Variants in XIRP1 observed in about 807,000 individuals in gnomAD.
The protein encoded by XIRP1 is xin actin-binding repeat-containing protein 1.
For missense variants in XIRP1, 2,378 were observed against 2,345.4 expected (o/e 1.01, Z -0.29); for synonymous variants, 984 against 947.0 (o/e 1.04, Z -0.72).
Position 39,185,476 on chromosome 3 carries a change from GCTT to G in XIRP1, c.3967_3969del (p.Lys1323del), listed in dbSNP as rs2039950013. ...TGTGCAGGTTTAGGGGGCAGCTGCG[GCTT>G]CTTCTTTGGGGGCATGGTGGGGTCC... On this transcript the variant is annotated inframe_deletion, in exon 2 of 2. Coordinates refer to ENST00000340369, the MANE Select transcript of XIRP1 (RefSeq NM_194293.4). 4 of 1,572,356 alleles carry G rather than the reference GCTT, an allele frequency of 2.5e-6. No homozygotes were observed. Among genetic ancestry groups the G allele is most frequent in the Non-Finnish European group, 3.5e-6 (4 of 1,159,342 alleles).
rs761945475 is a variant in XIRP1, at chr3:39,186,098, G to A, written c.3348C>T (p.Ala1116=). 1.2e-6 allele frequency: 2 copies of A among 1,613,898 alleles called. No individual in the cohort carries two copies. Among genetic ancestry groups the A allele is most frequent in the South Asian group, 2.2e-5 (2 of 91,074 alleles). Residue 1116 remains alanine (A), a synonymous_variant, in exon 2 of 2, where the codon GCC becomes GCT. Coordinates refer to ENST00000340369, the MANE Select transcript of XIRP1 (RefSeq NM_194293.4). ...GGGSDPRIPA[A]PRKVSREEQA... is the part of the protein sequence containing the mutation. ...GCTCTTCCCTACTGACCTTTCTGGG[G>A]GCTGCTGGGATCCGGGGATCACTTC... is the stretch of plus-strand genomic sequence containing the variant.
At position 39,183,915 on chromosome 3, in the gene XIRP1, C is replaced by A; in HGVS notation, c.5531G>T (p.Ter1844LeuextTer20). Reference protein sequence around the residue: ...SCSYSQPAAQ* With the variant: ...SCSYSQPAAQL ...AGGTGTGGTGGGAGGCGGTGGGCCT[C>A]ACTGGGCAGCTGGCTGGGAGTAGCT... Residue 1844 changes from the stop codon to leucine (L), a stop_lost, in exon 2 of 2, where the codon TGA becomes TTA. Transcript: ENST00000340369. 1 of 1,608,830 alleles carries A rather than the reference C, an allele frequency of 6.2e-7. No homozygotes were observed.
Position 39,187,654 on chromosome 3 carries a change from A to G in XIRP1, c.1792T>C (p.Phe598Leu), listed in dbSNP as rs147550123. 16 of 1,613,992 alleles carry G rather than the reference A, an allele frequency of 9.9e-6. No individual in the cohort carries two copies. Among genetic ancestry groups the G allele is most frequent in the East Asian group, 2.2e-5 (1 of 44,878 alleles). Residue 598 changes from phenylalanine to leucine, a missense_variant, in exon 2 of 2, where the codon TTC becomes CTC. By Grantham distance (22) the Phe-to-Leu change is conservative (BLOSUM62 0). Coordinates refer to ENST00000340369, the MANE Select transcript of XIRP1 (RefSeq NM_194293.4). ...KGDVQTIRWL[F>L]ETCPMSELAE... Reference sequence around the variant, plus strand: ...AACTCACTCATTGGGCAAGTCTCGAACAACCACCGGATGGTCTGCACATCG... The same window carrying G: ...AACTCACTCATTGGGCAAGTCTCGAGCAACCACCGGATGGTCTGCACATCG...
Position 39,187,805 on chromosome 3 carries a change from A to G in XIRP1, c.1641T>C (p.Val547=), listed in dbSNP as rs760368047. ...TCTCAAAAAGCCACCGAGCTGTGCC[A>G]ACGTCCCCAGCCACCACTTCCTGCC... ...ITRQEVVAGD[V]GTARWLFETQ... Residue 547 remains valine, a synonymous_variant, in exon 2 of 2, where the codon GTT becomes GTC. Transcript: ENST00000340369. 4 of 1,614,002 alleles carry G rather than the reference A, an allele frequency of 2.5e-6. No homozygotes were observed. The highest frequency in any genetic ancestry group is 3.4e-6 in the Non-Finnish European group (4 of 1,180,014).
Position 39,188,189 on chromosome 3 carries a change from G to A in XIRP1, c.1257C>T (p.Ser419=), listed in dbSNP as rs1356825404. 3.1e-6 allele frequency: 5 copies of A among 1,614,082 alleles called. No homozygotes were observed. In the African/African-American group the frequency reaches 5.3e-5, roughly 17 times the overall value. ...DGEGHLSSDS[S]SALPFSQSAP... is the part of the protein sequence containing the mutation. ...CACTCTGAGAGAAGGGCAGTGCTGAGGAGCTGTCACTGGATAGATGCCCCT... is the reference window on the plus strand; with the variant it reads ...CACTCTGAGAGAAGGGCAGTGCTGAAGAGCTGTCACTGGATAGATGCCCCT... Residue 419 remains serine (S), a synonymous_variant, in exon 2 of 2, where the codon TCC becomes TCT. Transcript: ENST00000340369.
At position 39,187,298 on chromosome 3, in the gene XIRP1, G is replaced by A. The variant is rs752561906; in HGVS notation, c.2148C>T (p.Ile716=). 41 of 1,588,836 alleles carry A rather than the reference G, an allele frequency of 2.6e-5. No individual in the cohort carries two copies. Among genetic ancestry groups the A allele is most frequent in the Admixed American group, 3.5e-5 (2 of 56,472 alleles). The change falls in exon 2 of 2, where the codon ATC becomes ATT. Residue 716 remains isoleucine, a synonymous_variant. Transcript: ENST00000340369. The part of the protein sequence containing the change: ...GKKEEQEPRV[I]AGSIPAGSVH... ...CAGAACCCGCGGGGATGGACCCAGC[G>A]ATTACCCGGGGCTCCTGTTCTTCCT...
In XIRP1 at chr3:39,188,345, G is replaced by A. The variant is rs756578263; in HGVS notation, c.1101C>T (p.Ala367=). 4.3e-6 allele frequency: 7 copies of A among 1,614,130 alleles called. No homozygotes were observed. The East Asian group carries it at 1.6e-4, about 36-fold the overall frequency. Residue 367 remains alanine (A), a synonymous_variant, in exon 2 of 2, where the codon GCC becomes GCT. Transcript: ENST00000340369. The part of the protein sequence containing the change: ...LKGDEEAGAE[A]PPKEEVVPGD... ...CAGGGACCACTTCCTCCTTGGGTGG[G>A]GCCTCTGCTCCAGCCTCTTCGTCCC...
rs767230935 is a variant in XIRP1, at chr3:39,187,789, G to A, written c.1657C>T (p.Leu553Phe). ...VAGDVGTARW[L>F]FETQPLEMIH... The stretch of plus-strand genomic sequence containing the variant: ...ATCTCCAGGGGCTGGGTCTCAAAAA[G>A]CCACCGAGCTGTGCCAACGTCCCCA... The change falls in exon 2 of 2, where the codon CTT becomes TTT. Residue 553 changes from leucine (L) to phenylalanine (F), a missense_variant. Physicochemically the swap from Leu to Phe is conservative, Grantham distance 22. Transcript: ENST00000340369. The A allele has an allele frequency of 2.2e-5, 35 of 1,613,866 alleles. No homozygotes were observed. Among genetic ancestry groups the A allele is most frequent in the Admixed American group, 3.3e-5 (2 of 60,000 alleles).
rs756906611 is a variant in XIRP1, at chr3:39,189,165, A to G, written c.281T>C (p.Met94Thr). The G allele has an allele frequency of 1.2e-6, 2 of 1,614,168 alleles. No homozygotes were observed. The highest frequency in any genetic ancestry group is 2.2e-5 in the East Asian group (1 of 44,880). The change falls in exon 2 of 2, where the codon ATG becomes ACG. Residue 94 changes from methionine to threonine, a missense_variant. Met to Thr is a moderately conservative substitution (Grantham distance 81, BLOSUM62 -1). Coordinates refer to ENST00000340369, the MANE Select transcript of XIRP1 (RefSeq NM_194293.4). Reference sequence around the variant, plus strand: ...TCTCCAGTTCTCAAAGATCCAGCGCATGCACTGAACGTCACCCTCGGTGGG... The same window carrying G: ...TCTCCAGTTCTCAAAGATCCAGCGCGTGCACTGAACGTCACCCTCGGTGGG... ...EEPTEGDVQCMRWIFENWRLD... is the reference protein window; with the variant it reads ...EEPTEGDVQCTRWIFENWRLD...
chr3:39,189,075 T>C lies in XIRP1; in HGVS notation c.371A>G (p.Gln124Arg). The C allele has an allele frequency of 6.2e-7, 1 of 1,614,178 alleles. No homozygotes were observed. The highest frequency in any genetic ancestry group is 1.1e-5 in the South Asian group (1 of 91,082). The change falls in exon 2 of 2, where the codon CAG becomes CGG. Residue 124 changes from glutamine (Q) to arginine (R), a missense_variant. By Grantham distance (43) the Gln-to-Arg change is conservative. Coordinates refer to ENST00000340369, the MANE Select transcript of XIRP1 (RefSeq NM_194293.4). Reference sequence around the variant, plus strand: ...TTCCTCAAACTTGCGGGAGGTGGCCTGGACGTCACCACACAGCACGGGCTC... The same window carrying C: ...TTCCTCAAACTTGCGGGAGGTGGCCCGGACGTCACCACACAGCACGGGCTC... ...AKEPVLCGDV[Q>R]ATSRKFEEGS...
Position 39,189,264 on chromosome 3 carries a change from A to G in XIRP1, c.182T>C (p.Ile61Thr), listed in dbSNP as rs1353336578. Residue 61 changes from isoleucine (I) to threonine (T), a missense_variant, in exon 2 of 2, where the codon ATC becomes ACC. Transcript: ENST00000340369. ...CAGATTCTTGCGGAGCTCAGGGTGG[A>G]TGTGCCTGTAGAGGCGGCGGAGCTC... Reference protein sequence around the residue: ...ASELRRLYRHIHPELRKNLAE... With the variant: ...ASELRRLYRHTHPELRKNLAE... 1 of 1,607,986 alleles carries G rather than the reference A, an allele frequency of 6.2e-7. No homozygotes were observed. The highest frequency in any genetic ancestry group is 1.1e-5 in the South Asian group (1 of 90,920).
rs377754763 is a variant in XIRP1, at chr3:39,187,410, G to A, written c.2036C>T (p.Pro679Leu). ...QASGRPCGRRPVRYCSRVEIP... is the reference protein window; with the variant it reads ...QASGRPCGRRLVRYCSRVEIP... ...CTCCACGCGGCTGCAGTATCTCACA[G>A]GCCGTCTTCCACAGGGACGGCCTGA... Residue 679 changes from proline (P) to leucine (L), a missense_variant, in exon 2 of 2, where the codon CCT (proline) becomes CTT (leucine). Transcript: ENST00000340369. 1.9e-6 allele frequency: 3 copies of A among 1,614,022 alleles called. No homozygotes were observed. The highest frequency in any genetic ancestry group is 2.7e-5 in the African/African-American group (2 of 74,888).
rs768972782 is a variant in XIRP1, at chr3:39,184,465, G to A, written c.4981C>T (p.Pro1661Ser). The change falls in exon 2 of 2, where the codon CCT (proline) becomes TCT (serine). Residue 1661 changes from proline to serine, a missense_variant. Pro to Ser is a moderately conservative substitution (Grantham distance 74). Coordinates refer to ENST00000340369, the MANE Select transcript of XIRP1 (RefSeq NM_194293.4). ...GAGGAGGGAGAATCTCGGCTGGAAG[G>A]TAAAACCCGAGGAGGGCACAAATAC... ...REYLCPPRVL[P>S]SSRDSPSSPT... 1 of 1,614,162 alleles carries A rather than the reference G, an allele frequency of 6.2e-7. No homozygotes were observed. The highest frequency in any genetic ancestry group is 8.5e-7 in the Non-Finnish European group (1 of 1,180,036).
chr3:39,190,274 T>C (rs199977640), intron 1 of XIRP1, among the ~76,000 whole-genome samples: 1 of 152,076 alleles, frequency 6.6e-6, no homozygotes, highest in East Asian at 1.9e-4. Flanking sequence ...TAAATAAAGA[T>C]GAGGGAACTT....
rs773470055 is a variant in XIRP1, at chr3:39,184,568, C to T, written c.4878G>A (p.Lys1626=). 3.7e-6 allele frequency: 6 copies of T among 1,613,830 alleles called. No homozygotes were observed. Among genetic ancestry groups the T allele is most frequent in the Non-Finnish European group, 5.1e-6 (6 of 1,180,042 alleles). Residue 1626 remains lysine (K), a synonymous_variant, in exon 2 of 2, where the codon AAG becomes AAA. Coordinates refer to ENST00000340369, the MANE Select transcript of XIRP1 (RefSeq NM_194293.4). ...ECHTEAQSQV[K]IRNHTEARGH... ...CTCTGGCCTCTGTGTGATTTCTGAT[C>T]TTGACTTGACTCTGGGCCTCAGTGT...
chr3:39,187,228 G>A lies in XIRP1; in HGVS notation c.2218C>T (p.Leu740=), dbSNP rs368290149. The change falls in exon 2 of 2, where the codon CTG becomes TTG. Residue 740 remains leucine, a synonymous_variant. Coordinates refer to ENST00000340369, the MANE Select transcript of XIRP1 (RefSeq NM_194293.4). The part of the protein sequence containing the change: ...WLFENCPMGS[L]AAESIQGGNL... ...CCCCCTTGGATGCTCTCAGCTGCCA[G>A]GGAGCCCATGGGACAATTCTCAAAA... is the stretch of plus-strand genomic sequence containing the variant. The A allele has an allele frequency of 8.2e-6, 13 of 1,587,168 alleles. No individual in the cohort carries two copies. In the African/African-American group the frequency reaches 1.3e-4, roughly 16 times the overall value.
chr3:39,189,582 G>A (rs2040059163), intron 1 of XIRP1, 57 bp from the exon 2 acceptor site: 2 of 1,322,190 alleles, frequency 1.5e-6, no homozygotes, highest in Non-Finnish European at 2.1e-6. Flanking sequence ...GGTGACTTAC[G>A]CTTAGAGACT....
rs776781312 is a variant in XIRP1 at position 39,186,935 on chromosome 3, C to A, written c.2511G>T (p.Arg837=). 6.2e-7 allele frequency: 1 copy of A among 1,613,756 alleles called. No individual in the cohort carries two copies. The highest frequency in any genetic ancestry group is 1.6e-4 in the Middle Eastern group (1 of 6,062). ...GCAGCCCCTGCTGGTCCACATCTGG[C>A]CGGCGCAGGACTTGGCAGATGATCC... ...LPRIICQVLR[R]PDVDQQGLLV... The change falls in exon 2 of 2, where the codon CGG becomes CGT. Residue 837 remains arginine, a synonymous_variant. Transcript: ENST00000340369.
chr3:39,184,547 G>A lies in XIRP1; in HGVS notation c.4899C>T (p.Ala1633=), dbSNP rs1559746082. 37 of 1,613,784 alleles carry A rather than the reference G, an allele frequency of 2.3e-5. No homozygotes were observed. Among genetic ancestry groups the A allele is most frequent in the South Asian group, 4.4e-5 (4 of 91,084 alleles). ...GGGCAGTTGAGGCTGTGTGACCTCT[G>A]GCCTCTGTGTGATTTCTGATCTTGA... ...SQVKIRNHTE[A]RGHTASTAPS... Residue 1633 remains alanine (A), a synonymous_variant, in exon 2 of 2, where the codon GCC becomes GCT. Coordinates refer to ENST00000340369, the MANE Select transcript of XIRP1 (RefSeq NM_194293.4).
Sources: gnomAD v4.1 joint callset for allele counts (sites outside exome capture counted in the v4.1 genomes callset) on GRCh38, gnomAD v4.1.1 for gene constraint, MANE v1.5 for transcripts, NCBI Gene and HGNC (gene_info 2026-07-23, HGNC 2026-07-21) for gene names.